Variants in ASTN1 observed in about 807,000 individuals in gnomAD.
The protein encoded by ASTN1 is astrotactin 1.
ASTN1 carries 41 observed loss-of-function variants against 140.7 expected under a neutral mutation model. The ratio of observed to expected loss-of-function variants is 0.29; its 90% CI spans 0.23 to 0.38. ASTN1 has a LOEUF of 0.38. Ranked by LOEUF, ASTN1 falls within the 10% of genes least tolerant of loss-of-function variation. ASTN1 has a pLI of 1.00. For missense variants in ASTN1, 1,479 were observed against 1,678.8 expected, an observed-to-expected ratio of 0.88 and a Z score of 2.08; for synonymous variants, 640 against 652.2, an observed-to-expected ratio of 0.98 and a Z score of 0.29.
At chr1:177,087,502 T>C (rs1461451391) in intron 1 of ASTN1, among the ~76,000 whole-genome samples, 1 of 152,174 alleles carries the variant, frequency 6.6e-6, no homozygotes, top group Non-Finnish European at 1.5e-5. Flanking sequence ...CATTATTTAT[T>C]ATTCAGAGGT....
In ASTN1 at chr1:176,894,469, C is replaced by T. The variant is rs531200926; in HGVS notation, c.2940+93G>A. On this transcript the variant is annotated intron_variant, in intron 17 of 22. Coordinates refer to ENST00000361833, the MANE Select transcript of ASTN1 (RefSeq NM_004319.3). Reference sequence around the variant, plus strand: ...CCTCACTATCCATATTCTAGCATGGCCCTCAACCACACCCTGTCACTTCCT... The same window carrying T: ...CCTCACTATCCATATTCTAGCATGGTCCTCAACCACACCCTGTCACTTCCT... The T allele has an allele frequency of 7.3e-5, 108 of 1,482,618 alleles. 1 individual carries two copies. The South Asian group carries it at 1.2e-3, about 17-fold the overall frequency. The allele number at this position is 1,482,618 out of a possible 1,614,324, so 91.8% of individuals were successfully genotyped here.
At chr1:176,939,997 G>T (rs1671648491) in intron 14 of ASTN1, among the ~76,000 whole-genome samples, 1 of 152,096 alleles carries the variant, frequency 6.6e-6, no homozygotes, top group Non-Finnish European at 1.5e-5. Flanking sequence ...CTGAAGCCAA[G>T]AGTCCATCCC....
chr1:177,100,476 G>A (rs1283043012), intron 1 of ASTN1, among the ~76,000 whole-genome samples: 1 of 152,044 alleles, frequency 6.6e-6, no homozygotes, highest in Non-Finnish European at 1.5e-5. Flanking sequence ...TGATACCCCA[G>A]TCCCCTGAAG....
downstream of ASTN1, among the ~76,000 whole-genome samples, chr1:176,860,482 T>C (rs573392675): frequency 2.0e-4 from 30 of 152,300 alleles, no homozygotes; most frequent in African/African-American, 6.3e-4. Context: ...TAAAGTGGCA[T>C]TGTAGAGAGA....
intron 1 of ASTN1, among the ~76,000 whole-genome samples, chr1:177,129,139 T>C (rs1309005572): frequency 2.0e-5 from 3 of 152,174 alleles, no homozygotes; most frequent in African/African-American, 7.2e-5. Flanking sequence ...ATTCATCTTA[T>C]TGGGAAAACA....
intron 20 of ASTN1, among the ~76,000 whole-genome samples, chr1:176,882,543 T>A (rs1668845253): frequency 1.9e-5 from 1 of 53,170 alleles, no homozygotes; most frequent in Middle Eastern, 0.019. Context: ...TCTTCTCTTT[T>A]ACAATTTTTT....
At position 177,102,844 on chromosome 1, in the gene ASTN1, A is replaced by G. The variant is rs371676130; in HGVS notation, c.284-41579T>C. 9.2e-5 allele frequency among the ~76,000 whole-genome samples: 14 copies of G among 152,234 alleles called. 1 individual carries two copies. In the East Asian group the frequency reaches 1.5e-3, roughly 17 times the overall value. ...AACATCATAGAACTGGCCAACATCC[A>G]AAGAGGAAAATGCCAGTGGTGCCAA... On this transcript the variant is annotated intron_variant, in intron 1 of 22. Coordinates refer to ENST00000361833, the MANE Select transcript of ASTN1 (RefSeq NM_004319.3).
intron 1 of ASTN1, among the ~76,000 whole-genome samples, chr1:177,123,165 G>A (rs1421239317): frequency 1.3e-5 from 2 of 152,182 alleles, no homozygotes; most frequent in Admixed American, 1.3e-4. Context: ...AGAGTCAGGG[G>A]AACCAGTGCA....
At chr1:177,050,128 A>T (rs1282282389) in intron 2 of ASTN1, among the ~76,000 whole-genome samples, 3 of 152,188 alleles carry the variant, frequency 2.0e-5, no homozygotes, top group African/African-American at 7.2e-5. Context: ...CACTCTTACA[A>T]ATCCCAAGGG....
At chr1:177,129,622 C>T (rs1681843499) in intron 1 of ASTN1, among the ~76,000 whole-genome samples, 1 of 152,204 alleles carries the variant, frequency 6.6e-6, no homozygotes, top group Non-Finnish European at 1.5e-5. Context: ...GACCCAGTGA[C>T]GTGCTAAAAG....
chr1:176,947,397 T>C (rs995077668), intron 12 of ASTN1, among the ~76,000 whole-genome samples: 1 of 152,234 alleles, frequency 6.6e-6, no homozygotes, highest in African/African-American at 2.4e-5. Context: ...TGAACAGGTG[T>C]GATTAGAGCT....
At chr1:177,136,624 G>T (rs193181746) in intron 1 of ASTN1, among the ~76,000 whole-genome samples, 70 of 152,222 alleles carry the variant, frequency 4.6e-4, no homozygotes, top group African/African-American at 1.6e-3. Flanking sequence ...AAAGTGCTGG[G>T]ATTACAGGCG....
intron 5 of ASTN1, 169 bp downstream of exon 5, chr1:177,029,465 C>G (rs1558042749): frequency 1.3e-6 from 1 of 777,904 alleles, no homozygotes; most frequent in South Asian, 1.4e-5. Context: ...CCACTCTAGG[C>G]TCTTCTTTCT....
chr1:177,164,208 A>G (rs1391973066), intron 1 of ASTN1, among the ~76,000 whole-genome samples, 186 bp downstream of exon 1: 1 of 151,900 alleles, frequency 6.6e-6, no homozygotes, highest in African/African-American at 2.4e-5. Flanking sequence ...TTTGGGGAGA[A>G]GTCAGGTGCA....
intron 16 of ASTN1, among the ~76,000 whole-genome samples, chr1:176,904,202 G>T (rs1037193611): frequency 1.3e-5 from 2 of 152,156 alleles, no homozygotes; most frequent in Non-Finnish European, 2.9e-5. Context: ...CTGACCCACA[G>T]CCTGTGAGGA....
chr1:176,868,825 G>A lies in ASTN1; in HGVS notation c.3647+19C>T, dbSNP rs781338127. Reference sequence around the variant, plus strand: ...ATTTCAAGAAGTCTTTAAAAGGGTTGACTTAGTTTATTGATTACCTGGGAC... The same window carrying A: ...ATTTCAAGAAGTCTTTAAAAGGGTTAACTTAGTTTATTGATTACCTGGGAC... On this transcript the variant is annotated intron_variant, in intron 22 of 22. Coordinates refer to ENST00000361833, the MANE Select transcript of ASTN1 (RefSeq NM_004319.3). 32 of 1,581,328 alleles carry A rather than the reference G, an allele frequency of 2.0e-5. No homozygotes were observed. The highest frequency in any genetic ancestry group is 2.7e-5 in the Non-Finnish European group (31 of 1,161,058).
At chr1:177,041,229 C>T in intron 2 of ASTN1, among the ~76,000 whole-genome samples, 1 of 152,170 alleles carries the variant, frequency 6.6e-6, no homozygotes, top group East Asian at 1.9e-4. Flanking sequence ...GGGGAGAGCT[C>T]AGGTCCTTCA....
intron 1 of ASTN1, among the ~76,000 whole-genome samples, chr1:177,155,712 G>C (rs541024406): frequency 6.6e-6 from 1 of 152,112 alleles, no homozygotes; most frequent in African/African-American, 2.4e-5. Flanking sequence ...GATGATTCAC[G>C]AATTAGATGA....
chr1:176,932,659 G>A (rs1671257851), intron 16 of ASTN1, among the ~76,000 whole-genome samples: 1 of 152,242 alleles, frequency 6.6e-6, no homozygotes, highest in Non-Finnish European at 1.5e-5. Flanking sequence ...ACTAGCCCCT[G>A]ATTGGCAAGA....
Sources: allele counts gnomAD v4.1 joint callset (sites outside exome capture counted in the v4.1 genomes callset), GRCh38; gene constraint gnomAD v4.1.1; transcripts MANE v1.5; gene names NCBI Gene and HGNC (gene_info 2026-07-23, HGNC 2026-07-21).